The following MCC variants were observed in gnomAD, a reference collection of about 807,000 sequenced individuals.
MCC encodes MCC regulator of Wnt signaling pathway, also known as colorectal mutant cancer protein.
In MCC, 90 loss-of-function variants were observed where a neutral mutation model predicts 116.2. The ratio of observed to expected loss-of-function variants is 0.77; its 90% CI spans 0.65 to 0.92. The LOEUF (loss-of-function observed/expected upper bound fraction) is 0.92, where lower values mean the gene tolerates loss of function less well. Among genes scored for constraint, MCC ranks in the 40% least tolerant of loss-of-function variants. MCC has a pLI of 0.00. For synonymous variants in MCC, 578 were observed against 510.5 expected, an observed-to-expected ratio of 1.13 and a Z score of -1.78; for missense variants, 1,516 against 1,312.2, an observed-to-expected ratio of 1.16 and a Z score of -2.40.
chr5:113,296,083 G>C (rs1447144832), intron 3 of MCC, among the ~76,000 whole-genome samples: 1 of 152,206 alleles, frequency 6.6e-6, no homozygotes, highest in African/African-American at 2.4e-5. Flanking sequence ...AGGTGCTGCT[G>C]GGATTAGGAA....
At chr5:113,207,753 A>G (rs1378472077) in intron 3 of MCC, among the ~76,000 whole-genome samples, 1 of 152,202 alleles carries the variant, frequency 6.6e-6, no homozygotes, top group Non-Finnish European at 1.5e-5. Flanking sequence ...AGGTATATCA[A>G]TGGTCTATTC....
intron 3 of MCC, among the ~76,000 whole-genome samples, chr5:113,313,902 C>A (rs1767204811): frequency 6.6e-6 from 1 of 151,896 alleles, no homozygotes; most frequent in African/African-American, 2.4e-5. Context: ...CTCACTGCAG[C>A]CTTGGCCTCC....
In MCC at chr5:113,122,361, C is replaced by G. The variant is rs545461822; in HGVS notation, c.1027+323G>C. Among the ~76,000 whole-genome samples, 8 of 152,322 alleles carry G rather than the reference C, an allele frequency of 5.3e-5. No homozygotes were observed. The South Asian group carries it at 6.2e-4, about 12-fold the overall frequency. On this transcript the variant is annotated intron_variant, in intron 6 of 18. Coordinates refer to ENST00000408903, the MANE Select transcript of MCC (RefSeq NM_001085377.2). ...CCACTGCAATGTGTTGGCCCCCATC[C>G]CATCCCTTCCCTTCCCACCATCATA...
intron 2 of MCC, among the ~76,000 whole-genome samples, chr5:113,351,439 C>T (rs1381007492): frequency 6.6e-6 from 1 of 152,044 alleles, no homozygotes; most frequent in Non-Finnish European, 1.5e-5. Context: ...AAGCCAGGCA[C>T]AGAAAGACAA....
intron 3 of MCC, among the ~76,000 whole-genome samples, chr5:113,267,897 TTA>T (rs377078610): frequency 1.3e-5 from 2 of 152,336 alleles, no homozygotes; most frequent in Non-Finnish European, 2.9e-5. Context: ...ACTTCTGTAT[TTA>T]TATGTCTTAT....
At chr5:113,358,120 A>C (rs1470266124) in intron 2 of MCC, among the ~76,000 whole-genome samples, 8 of 152,356 alleles carry the variant, frequency 5.3e-5, no homozygotes, top group African/African-American at 1.7e-4. Flanking sequence ...CCCACTGCTA[A>C]CAGTTTTATT....
chr5:113,254,140 T>G (rs1188692010), intron 3 of MCC, among the ~76,000 whole-genome samples: 4 of 152,188 alleles, frequency 2.6e-5, no homozygotes, highest in African/African-American at 9.6e-5. Context: ...CGAGGGTCAG[T>G]AGCATTGATT....
At position 113,151,291 on chromosome 5, in the gene MCC, C is replaced by A; in HGVS notation, c.741+18G>T. 7 of 1,500,250 alleles carry A rather than the reference C, an allele frequency of 4.7e-6. No homozygotes were observed. The highest frequency in any genetic ancestry group is 6.4e-6 in the Non-Finnish European group (7 of 1,091,336). 92.9% of individuals were successfully genotyped at this position (1,500,250 alleles called of 1,614,324 possible). The stretch of plus-strand genomic sequence containing the variant: ...ACAAAAAACAAAAGCAAACTAAAAA[C>A]CTTTCCAGATCCCTTACCTGTGCCT... On this transcript the variant is annotated intron_variant, in intron 4 of 18. Transcript: ENST00000408903.
intron 16 of MCC, among the ~76,000 whole-genome samples, chr5:113,045,464 G>A (rs150103806): frequency 1.3e-5 from 2 of 152,254 alleles, no homozygotes; most frequent in Admixed American, 1.3e-4. Context: ...TCTGTGACAG[G>A]TAGAAATTAT....
intron 1 of MCC, among the ~76,000 whole-genome samples, chr5:113,451,168 CT>C (rs1771381915): frequency 1.3e-5 from 2 of 152,132 alleles, no homozygotes; most frequent in African/African-American, 4.8e-5. Context: ...CTATAAGATG[CT>C]TTATCTCAGT....
intron 3 of MCC, among the ~76,000 whole-genome samples, chr5:113,316,312 T>A (rs988443605): frequency 6.6e-6 from 1 of 151,192 alleles, no homozygotes; most frequent in Non-Finnish European, 1.5e-5. Context: ...TTATCATAAG[T>A]CATATTCACA....
In MCC at chr5:113,033,968, C is replaced by T. The variant is rs1751143288; in HGVS notation, c.2757-4912G>A. ...TGGCACAAATCACAGCTCACTGCAG[C>T]CTCGACCTCCCAGGCTCAAGCAATC... On this transcript the variant is annotated intron_variant, in intron 17 of 18. Transcript: ENST00000408903. 2.0e-5 allele frequency among the ~76,000 whole-genome samples: 3 copies of T among 152,308 alleles called. No homozygotes were observed. The South Asian group carries it at 6.2e-4, about 32-fold the overall frequency.
rs776861012 is a variant in MCC at position 113,434,607 on chromosome 5, A to G, written c.171-49395T>C. ...GACCTTGCCATGTGATGTCTCAAAG[A>G]TCTCGTAGGTCTTAATGATGGAGCA... On this transcript the variant is annotated intron_variant, in intron 1 of 18. Coordinates refer to ENST00000408903, the MANE Select transcript of MCC (RefSeq NM_001085377.2). This position sits in a 1 kb window ranked among gnomAD's most constrained non-coding sequence, Gnocchi z 4.2. The G allele has an allele frequency of 1.2e-6, 2 of 1,613,650 alleles. No homozygotes were observed. The highest frequency in any genetic ancestry group is 1.7e-6 in the Non-Finnish European group (2 of 1,179,820).
Position 113,386,273 on chromosome 5 carries a change from T to C in MCC, c.171-1061A>G, listed in dbSNP as rs112266225. Among the ~76,000 whole-genome samples the C allele has an allele frequency of 9.5e-4, 144 of 152,292 alleles. 2 individuals carry two copies. The highest frequency in any genetic ancestry group is 3.2e-3 in the African/African-American group (135 of 41,556). On this transcript the variant is annotated intron_variant, in intron 1 of 18. Transcript: ENST00000408903. ...CAGTTATCTGGAGAATATAACCAGTTTGATGTTTGCTGATACCTGAAACCT... is the reference window on the plus strand; with the variant it reads ...CAGTTATCTGGAGAATATAACCAGTCTGATGTTTGCTGATACCTGAAACCT...
chr5:113,109,133 A>G (rs544191196), intron 6 of MCC, among the ~76,000 whole-genome samples: 1 of 152,332 alleles, frequency 6.6e-6, no homozygotes, highest in African/African-American at 2.4e-5. Flanking sequence ...GGTCCTAAGT[A>G]TAGGAGTAGA....
At chr5:113,423,004 T>C (rs531442174) in intron 1 of MCC, among the ~76,000 whole-genome samples, 1 of 152,340 alleles carries the variant, frequency 6.6e-6, no homozygotes, top group African/African-American at 2.4e-5. Context: ...CCCAAATCAA[T>C]ACTCATCGTG....
chr5:113,384,951 C>A lies in MCC; in HGVS notation c.415+17G>T, dbSNP rs17327526. The A allele has an allele frequency of 0.21, 331,393 of 1,612,702 alleles. 37,535 individuals are homozygous for A. The highest frequency in any genetic ancestry group is 0.26 in the Middle Eastern group (1,569 of 6,060). Reference sequence around the variant, plus strand: ...GGCCAGTGGAGTGCCATAAAACTGCCACCTGGTTATACCTACCCAAACTGT... The same window carrying A: ...GGCCAGTGGAGTGCCATAAAACTGCAACCTGGTTATACCTACCCAAACTGT... On this transcript the variant is annotated intron_variant, in intron 2 of 18. Transcript: ENST00000408903.
In MCC at chr5:113,049,122, T is replaced by C. The variant is rs1347436021; in HGVS notation, c.2626A>G (p.Ser876Gly). 2 of 1,614,232 alleles carry C rather than the reference T, an allele frequency of 1.2e-6. No homozygotes were observed. Among genetic ancestry groups the C allele is most frequent in the East Asian group, 2.2e-5 (1 of 44,886 alleles). Reference sequence around the variant, plus strand: ...CCAGGTTTGTCTTTGCTGCCGCTGCTGGTGGAGCTGAGGGATCGCATCCGC... The same window carrying C: ...CCAGGTTTGTCTTTGCTGCCGCTGCCGGTGGAGCTGAGGGATCGCATCCGC... Reference protein sequence around the residue: ...EQRMRSLSSTSSGSKDKPGKE... With the variant: ...EQRMRSLSSTGSGSKDKPGKE... The change falls in exon 16 of 19, where the codon AGC becomes GGC. Residue 876 changes from serine to glycine, a missense_variant. Transcript: ENST00000408903.
At position 113,299,292 on chromosome 5, in the gene MCC, C is replaced by CAAA. The variant is rs58372049; in HGVS notation, c.627+41224_627+41226dup. Among the ~76,000 whole-genome samples the CAAA allele has an allele frequency of 7.5e-4, 39 of 52,074 alleles. 1 individual carries two copies. Among genetic ancestry groups the CAAA allele is most frequent in the Middle Eastern group, 0.022 (1 of 46 alleles). The allele number at this position is 52,074 out of a possible 152,430, so 34.2% of individuals were successfully genotyped here. On this transcript the variant is annotated intron_variant, in intron 3 of 18. Coordinates refer to ENST00000408903, the MANE Select transcript of MCC (RefSeq NM_001085377.2). ...TGGGCAACAGAGTGAGACTCCGTCT[C>CAAA]AAAAAAAAAAAAAAAAAAAAAAAAA...
Sources: gnomAD v4.1 joint callset for allele counts (sites outside exome capture counted in the v4.1 genomes callset) on GRCh38, gnomAD v4.1.1 for gene constraint, Gnocchi (gnomAD v3.1) non-coding constraint, MANE v1.5 for transcripts, NCBI Gene and HGNC (gene_info 2026-07-23, HGNC 2026-07-21) for gene names.